The following SVIL variants were observed in gnomAD, a reference collection of about 807,000 sequenced individuals.
SVIL encodes the protein archvillin.
In SVIL, 101 loss-of-function variants were observed where a neutral mutation model predicts 240.4. That is an observed-to-expected ratio of 0.42 (90% CI 0.36 to 0.50). The LOEUF is 0.50. Ranked by LOEUF, SVIL falls within the 20% of genes least tolerant of loss-of-function variation. SVIL has a pLI of 0.01. For synonymous variants in SVIL, 999 were observed against 1,100.0 expected (o/e 0.91, Z 1.82); for missense variants, 2,512 against 2,818.7 (o/e 0.89, Z 2.46).
intron 30 of SVIL, chr10:29,473,484 A>T (rs12257330): frequency 3.8e-6 from 1 of 265,482 alleles, no homozygotes; most frequent in Admixed American, 5.6e-5. Flanking sequence ...TCTTTAAAAA[A>T]TCACTACCAC....
intron 1 of SVIL, among the ~76,000 whole-genome samples, chr10:29,579,787 C>T (rs1424031459): frequency 6.6e-6 from 1 of 152,116 alleles, no homozygotes; most frequent in East Asian, 1.9e-4. Flanking sequence ...GAGGGCAAAG[C>T]CAAGGGAAAG....
At chr10:29,612,949 G>A (rs1022249679) in intron 1 of SVIL, among the ~76,000 whole-genome samples, 1 of 152,042 alleles carries the variant, frequency 6.6e-6, no homozygotes, top group African/African-American at 2.4e-5. Flanking sequence ...AGGCTGAGGT[G>A]GGCGGATCAC....
At chr10:29,664,347 C>T (rs989696247) in intron 2 of SVIL, among the ~76,000 whole-genome samples, 2 of 152,004 alleles carry the variant, frequency 1.3e-5, no homozygotes, top group Middle Eastern at 3.2e-3. Context: ...AAGTAGCAAA[C>T]ATTGAAGAAA....
chr10:29,676,367 GA>G (rs1033640505), intron 2 of SVIL, among the ~76,000 whole-genome samples: 2 of 127,520 alleles, frequency 1.6e-5, no homozygotes, highest in Non-Finnish European at 3.3e-5. Context: ...TTTTTAAGTG[GA>G]AAAAAAAGAG....
At chr10:29,516,366 C>A (rs1425099662) in intron 16 of SVIL, among the ~76,000 whole-genome samples, 2 of 152,186 alleles carry the variant, frequency 1.3e-5, no homozygotes, top group African/African-American at 4.8e-5. Context: ...GAGCACATGA[C>A]GAATAACTTG....
intron 1 of SVIL, among the ~76,000 whole-genome samples, chr10:29,698,534 G>A (rs1174328601): frequency 1.4e-5 from 2 of 147,358 alleles, no homozygotes; most frequent in Admixed American, 1.4e-4. Context: ...GCCGGGTGTT[G>A]TATGTATGGT....
chr10:29,621,975 G>A (rs1302629006), intron 1 of SVIL, among the ~76,000 whole-genome samples: 1 of 152,044 alleles, frequency 6.6e-6, no homozygotes, highest in African/African-American at 2.4e-5. Context: ...CACTGGCCGG[G>A]CGCGGTGGCT....
At chr10:29,617,810 T>TC (rs1227827300) in intron 1 of SVIL, among the ~76,000 whole-genome samples, 2 of 152,128 alleles carry the variant, frequency 1.3e-5, no homozygotes, top group Non-Finnish European at 2.9e-5. Flanking sequence ...TCAGTGTGGC[T>TC]CTCTATGGAA....
intron 6 of SVIL, among the ~76,000 whole-genome samples, chr10:29,545,928 TC>T (rs1200477481): frequency 2.0e-5 from 3 of 151,652 alleles, no homozygotes; most frequent in African/African-American, 7.3e-5. Context: ...TTCATTTCAT[TC>T]CCTTTGCCAG....
intron 1 of SVIL, among the ~76,000 whole-genome samples, chr10:29,696,357 C>T (rs1325792499): frequency 2.0e-5 from 3 of 152,128 alleles, no homozygotes; most frequent in African/African-American, 7.2e-5. Context: ...AGATTGCAGC[C>T]CCTGCCCGGC....
At chr10:29,502,096 T>G (rs1373255183) in intron 17 of SVIL, among the ~76,000 whole-genome samples, 1 of 152,226 alleles carries the variant, frequency 6.6e-6, no homozygotes, top group Non-Finnish European at 1.5e-5. Context: ...AAAGCTCCCA[T>G]TCGTTTGCCA....
At chr10:29,582,513 G>A (rs1955987423) in intron 1 of SVIL, among the ~76,000 whole-genome samples, 1 of 152,118 alleles carries the variant, frequency 6.6e-6, no homozygotes, top group Admixed American at 6.5e-5. Context: ...GAGGCAGGAG[G>A]ACTGCTTGAG....
chr10:29,498,835 GC>G (rs1448356852), intron 18 of SVIL, among the ~76,000 whole-genome samples: 5 of 152,128 alleles, frequency 3.3e-5, no homozygotes, highest in Admixed American at 2.0e-4. Context: ...TTTTTAAAAA[GC>G]CAAGCATGGT....
intron 1 of SVIL, among the ~76,000 whole-genome samples, chr10:29,702,245 C>G (rs1263481438): frequency 6.9e-6 from 1 of 145,812 alleles, no homozygotes; most frequent in African/African-American, 2.5e-5. Flanking sequence ...CATACTATAA[C>G]TTCATAAAGG....
intron 3 of SVIL, 24 bp downstream of exon 3, chr10:29,563,177 T>C (rs1482179405): frequency 2.3e-6 from 2 of 882,136 alleles, no homozygotes; most frequent in South Asian, 5.2e-5. Flanking sequence ...CCAGACATGG[T>C]TGGTCACTTA....
intron 22 of SVIL, among the ~76,000 whole-genome samples, chr10:29,489,202 G>T (rs1387817014): frequency 6.6e-6 from 1 of 152,198 alleles, no homozygotes; most frequent in Non-Finnish European, 1.5e-5. Context: ...CTCTGTAAGG[G>T]ATGATTAGGT....
At chr10:29,719,089 C>G (rs1963819914) in intron 1 of SVIL, among the ~76,000 whole-genome samples, 1 of 152,166 alleles carries the variant, frequency 6.6e-6, no homozygotes, top group Admixed American at 6.5e-5. Context: ...GCCTGGATGA[C>G]AGAGTGTGAC....
intron 1 of SVIL, among the ~76,000 whole-genome samples, chr10:29,624,143 C>T (rs1000201271): frequency 2.8e-5 from 4 of 144,930 alleles, no homozygotes; most frequent in African/African-American, 5.2e-5. Flanking sequence ...ACAATGGATG[C>T]TCTCCTTTAT....
Position 29,458,472 on chromosome 10 carries a change from G to A in SVIL, c.6520C>T (p.Leu2174=). Residue 2174 remains leucine, a synonymous_variant, in exon 37 of 38, where the codon CTG becomes TTG. Transcript: ENST00000355867. ...ARPLPEGVDP[L]KLEIYLTDED... ...TCGGTGAGATAGATCTCAAGCTTCA[G>A]AGGATCGACCCCCTCCGGGAGTGGC... The A allele has an allele frequency of 6.3e-7, 1 of 1,581,342 alleles. No homozygotes were observed. Among genetic ancestry groups the A allele is most frequent in the Non-Finnish European group, 8.6e-7 (1 of 1,163,300 alleles).
Sources: allele counts gnomAD v4.1 joint callset (sites outside exome capture counted in the v4.1 genomes callset), GRCh38; gene constraint gnomAD v4.1.1; transcripts MANE v1.5; gene names NCBI Gene and HGNC (gene_info 2026-07-23, HGNC 2026-07-21).